MCF2L2: variants seen among roughly 807,000 people sequenced by gnomAD.
The protein encoded by MCF2L2 is MCF.2 cell line derived transforming sequence-like 2.
MCF2L2 carries 102 observed loss-of-function variants against 150.2 expected under a neutral mutation model. The observed-to-expected ratio is 0.68, with a 90% CI of 0.58 to 0.80. The LOEUF is 0.80. MCF2L2 is among the 30% of genes least tolerant of loss of function. MCF2L2 has a pLI of 0.00. For synonymous variants in MCF2L2, 465 were observed against 491.3 expected (o/e 0.95, Z 0.71); for missense variants, 1,256 against 1,372.8 (o/e 0.91, Z 1.34).
chr3:183,425,332 A>C (rs1005471895), intron 1 of MCF2L2, among the ~76,000 whole-genome samples: 11 of 152,212 alleles, frequency 7.2e-5, no homozygotes, highest in Admixed American at 5.9e-4. Flanking sequence ...TCAGGGTCAG[A>C]GGAGGCCGAG....
At chr3:183,355,533 G>A (rs1450514000) in intron 3 of MCF2L2, among the ~76,000 whole-genome samples, 7 of 147,764 alleles carry the variant, frequency 4.7e-5, no homozygotes, top group African/African-American at 1.8e-4. Flanking sequence ...TGCAAGCTCC[G>A]CCTCCCGGGT....
intron 3 of MCF2L2, among the ~76,000 whole-genome samples, chr3:183,368,991 G>C (rs1178499291): frequency 2.0e-5 from 3 of 152,214 alleles, no homozygotes; most frequent in African/African-American, 7.2e-5. Context: ...TTTAAGAAGT[G>C]TGTGGACTAA....
At chr3:183,251,125 C>T (rs989210179) in intron 15 of MCF2L2, among the ~76,000 whole-genome samples, 1 of 152,196 alleles carries the variant, frequency 6.6e-6, no homozygotes, top group African/African-American at 2.4e-5. Context: ...CGGCCTGCTT[C>T]AGAATACATG....
At chr3:183,209,127 G>C (rs942845060) in intron 22 of MCF2L2, among the ~76,000 whole-genome samples, 20 of 152,292 alleles carry the variant, frequency 1.3e-4, no homozygotes, top group Non-Finnish European at 1.9e-4. Flanking sequence ...TGAGGACCCT[G>C]GAGAATTTTT....
chr3:183,195,166 A>G (rs938101547), intron 26 of MCF2L2, 56 bp downstream of exon 26: 5 of 1,363,446 alleles, frequency 3.7e-6, no homozygotes, highest in South Asian at 1.3e-5. Flanking sequence ...CATGGACTCA[A>G]TATGAAACAT....
intron 3 of MCF2L2, chr3:183,376,750 G>C (rs1445145034): frequency 2.0e-5 from 3 of 152,184 alleles, no homozygotes; most frequent in Non-Finnish European, 4.4e-5. Flanking sequence ...AAGACCCAAA[G>C]AATCAGTTAG....
chr3:183,268,968 T>C (rs1029448267), intron 15 of MCF2L2, among the ~76,000 whole-genome samples: 3 of 152,150 alleles, frequency 2.0e-5, no homozygotes, highest in Non-Finnish European at 4.4e-5. Context: ...ACTGAGAGTT[T>C]GCTTTCAAGG....
intron 27 of MCF2L2, among the ~76,000 whole-genome samples, chr3:183,183,459 G>C (rs1386968787): frequency 5.3e-5 from 8 of 152,222 alleles, no homozygotes; most frequent in Non-Finnish European, 1.2e-4. Context: ...TCACAGGCAT[G>C]TGAGGGAACA....
intron 1 of MCF2L2, among the ~76,000 whole-genome samples, chr3:183,426,765 A>C (rs1162659937): frequency 6.6e-6 from 1 of 152,236 alleles, no homozygotes; most frequent in Non-Finnish European, 1.5e-5. Context: ...ACCTGGTAGG[A>C]TCCTACTGAT....
rs1728440176 is a variant in MCF2L2 at position 183,295,398 on chromosome 3, A to G, written c.1577T>C (p.Leu526Pro). ...CACTGGACGAGTCTGTTTGGCTGCCAGTTTCATCAGACTCACTTGCCTCTT... is the reference window on the plus strand; with the variant it reads ...CACTGGACGAGTCTGTTTGGCTGCCGGTTTCATCAGACTCACTTGCCTCTT... ...FHKRQVSLMK[L>P]AAKQTRPVQP... The change falls in exon 13 of 30, where the codon CTG becomes CCG. Residue 526 changes from leucine to proline, a missense_variant. Transcript: ENST00000328913. The G allele has an allele frequency of 3.1e-6, 5 of 1,614,170 alleles. No homozygotes were observed. The highest frequency in any genetic ancestry group is 2.2e-5 in the East Asian group (1 of 44,874).
At chr3:183,192,968 G>T in intron 27 of MCF2L2, 31 bp downstream of exon 27, 1 of 1,555,350 alleles carries the variant, frequency 6.4e-7, no homozygotes, top group Non-Finnish European at 8.9e-7. Flanking sequence ...CACTGCTTCT[G>T]TGCTCCACTC....
chr3:183,273,039 C>T (rs1199779477), intron 15 of MCF2L2: 1 of 1,489,376 alleles, frequency 6.7e-7, no homozygotes, highest in Non-Finnish European at 8.9e-7. Flanking sequence ...CTTCATCACA[C>T]TTACTTAAAG....
intron 11 of MCF2L2, 134 bp from the exon 12 acceptor site, chr3:183,297,301 C>A: frequency 3.9e-6 from 3 of 777,202 alleles, no homozygotes; most frequent in Non-Finnish European, 6.2e-6. Flanking sequence ...GGGACGGCAT[C>A]GAGTTTAAGG....
chr3:183,193,246 C>G, intron 26 of MCF2L2, 150 bp from the exon 27 acceptor site: 1 of 648,340 alleles, frequency 1.5e-6, no homozygotes, highest in Non-Finnish European at 2.8e-6. Context: ...TAGTTGAAGA[C>G]CTGCCTCAGG....
At chr3:183,280,660 C>T (rs1727416355) in intron 14 of MCF2L2, among the ~76,000 whole-genome samples, 1 of 151,828 alleles carries the variant, frequency 6.6e-6, no homozygotes, top group East Asian at 1.9e-4. Flanking sequence ...ATCAGCCTGG[C>T]CAACATAGAG....
intron 5 of MCF2L2, among the ~76,000 whole-genome samples, chr3:183,329,776 T>C (rs1730192551): frequency 6.6e-6 from 1 of 152,218 alleles, no homozygotes; most frequent in South Asian, 2.1e-4. Flanking sequence ...TATTCAGTCA[T>C]AAAGTGCATT....
At chr3:183,303,456 A>G (rs1728954014) in intron 10 of MCF2L2, among the ~76,000 whole-genome samples, 1 of 152,186 alleles carries the variant, frequency 6.6e-6, no homozygotes. Context: ...GCATCACTGC[A>G]CTGCTTTAGC....
chr3:183,424,582 G>C (rs1426654249), intron 1 of MCF2L2, among the ~76,000 whole-genome samples: 1 of 152,180 alleles, frequency 6.6e-6, no homozygotes, highest in African/African-American at 2.4e-5. Context: ...GTAATGAAGA[G>C]TCTAGAAGCA....
At chr3:183,362,383 G>A (rs190622103) in intron 3 of MCF2L2, among the ~76,000 whole-genome samples, 26 of 152,190 alleles carry the variant, frequency 1.7e-4, no homozygotes, top group Non-Finnish European at 1.3e-4. Context: ...GATTACAGGC[G>A]TGAGCCACCA....
Sources: gnomAD v4.1 joint callset for allele counts (sites outside exome capture counted in the v4.1 genomes callset) on GRCh38, gnomAD v4.1.1 for gene constraint, MANE v1.5 for transcripts, NCBI Gene and HGNC (gene_info 2026-07-23, HGNC 2026-07-21) for gene names.